Variants in MARCHF1 observed in about 807,000 individuals in gnomAD.
MARCHF1 encodes the protein E3 ubiquitin-protein ligase MARCHF1.
In MARCHF1, 40 loss-of-function variants were observed where a neutral mutation model predicts 54.2. The observed-to-expected ratio is 0.74, with a 90% confidence interval of 0.57 to 0.96. The LOEUF is 0.96. Among genes scored for constraint, MARCHF1 ranks in the 40% least tolerant of loss-of-function variants. MARCHF1 has a pLI of 0.00. For missense variants in MARCHF1, 586 were observed against 656.5 expected (o/e 0.89, Z 1.17); for synonymous variants, 236 against 236.3 (o/e 1.00, Z 0.01).
chr4:163,700,528 A>AGAAGGAAGGAAGGAAGGAAGGAAG (rs57173687), intron 5 of MARCHF1, among the ~76,000 whole-genome samples: 6 of 114,488 alleles, frequency 5.2e-5, no homozygotes, highest in Non-Finnish European at 7.2e-5. Context: ...AAAGAAAGAA[A>AGAAGGAAGGAAGGAAGGAAGGAAG]GAAGGAAGGA....
intron 2 of MARCHF1, among the ~76,000 whole-genome samples, chr4:164,012,045 T>A (rs1177365163): frequency 6.6e-6 from 1 of 152,056 alleles, no homozygotes; most frequent in Non-Finnish European, 1.5e-5. Context: ...CAGAGGGAAA[T>A]TTCTTACACC....
intron 1 of MARCHF1, among the ~76,000 whole-genome samples, chr4:164,289,276 AT>A (rs1208784226): frequency 3.3e-5 from 5 of 151,988 alleles, no homozygotes; most frequent in Admixed American, 3.3e-4. Flanking sequence ...TCCTAGGAAG[AT>A]TGTGAACCAC....
chr4:163,719,939 A>T (rs904527691), intron 4 of MARCHF1, among the ~76,000 whole-genome samples: 3 of 152,096 alleles, frequency 2.0e-5, no homozygotes, highest in African/African-American at 7.2e-5. Context: ...CCTTTGTCAG[A>T]TTAGTAGATT....
In MARCHF1 at chr4:163,528,538, ATACTT is replaced by A. The variant is rs376474868; in HGVS notation, c.*205_*209del. 3.0e-3 allele frequency: 1,611 copies of A among 530,814 alleles called. 15 individuals are homozygous for A. Among genetic ancestry groups the A allele is most frequent in the African/African-American group, 0.025 (1,280 of 52,228 alleles). The allele number at this position is 530,814 out of a possible 1,614,324, so 32.9% of individuals were successfully genotyped here. A position where few individuals can be genotyped will look rare whatever the true frequency, so the allele number is the denominator to read the frequency against. On this transcript the variant is annotated 3_prime_UTR_variant, in exon 10 of 10. Transcript: ENST00000514618. The stretch of plus-strand genomic sequence containing the variant: ...CTTGCAAACTTCACATTTCCATATC[ATACTT>A]TACTTTACGCTATTACTTCATGGGC...
intron 1 of MARCHF1, among the ~76,000 whole-genome samples, chr4:164,253,893 A>C (rs1447319043): frequency 6.6e-6 from 1 of 152,116 alleles, no homozygotes; most frequent in African/African-American, 2.4e-5. Context: ...TGCCAAGGGG[A>C]AAAAAAGCAA....
chr4:164,344,436 GTGTT>G (rs1378993393), intron 1 of MARCHF1, among the ~76,000 whole-genome samples: 1 of 150,922 alleles, frequency 6.6e-6, no homozygotes, highest in Admixed American at 6.6e-5. Context: ...AAGAATATGT[GTGTT>G]TGTGCACATG....
At chr4:164,048,817 T>A (rs561274202) in intron 2 of MARCHF1, among the ~76,000 whole-genome samples, 321 of 152,302 alleles carry the variant, frequency 2.1e-3, no homozygotes, top group African/African-American at 7.4e-3. Context: ...TACTCAATAA[T>A]CTCATTATCT....
At chr4:164,356,024 A>G (rs1026197135) in intron 1 of MARCHF1, among the ~76,000 whole-genome samples, 1 of 134,730 alleles carries the variant, frequency 7.4e-6, no homozygotes, top group Non-Finnish European at 1.7e-5. Flanking sequence ...AATGCTCACC[A>G]TCACTGGCCA....
Position 163,528,351 on chromosome 4 carries a change from T to G in MARCHF1, c.*397A>C. ...TTATTTCCAGATGAGACAGTTAACATTACAAGGCCCTAGAAGTAATACACA... is the reference window on the plus strand; with the variant it reads ...TTATTTCCAGATGAGACAGTTAACAGTACAAGGCCCTAGAAGTAATACACA... On this transcript the variant is annotated 3_prime_UTR_variant, in exon 10 of 10. Transcript: ENST00000514618. The G allele has an allele frequency of 6.1e-6, 1 of 165,258 alleles. No homozygotes were observed. The highest frequency in any genetic ancestry group is 6.1e-5 in the Admixed American group (1 of 16,466). The allele number at this position is 165,258 out of a possible 1,614,324, so 10.2% of individuals were successfully genotyped here. A position where few individuals can be genotyped will look rare whatever the true frequency, so the allele number is the denominator to read the frequency against.
At position 163,827,667 on chromosome 4, in the gene MARCHF1, T is replaced by C. The variant is rs986260904; in HGVS notation, c.111+26354A>G. On this transcript the variant is annotated intron_variant, in intron 4 of 9. Coordinates refer to ENST00000514618, the MANE Select transcript of MARCHF1 (RefSeq NM_001394959.1). ...GAACAGAAAAAGTCCTTTCCACTTA[T>C]TGCAGTCAATGAAGTTAATCCTAGA... Among the ~76,000 whole-genome samples, 4 of 152,146 alleles carry C rather than the reference T, an allele frequency of 2.6e-5. No individual in the cohort carries two copies. In the South Asian group the frequency reaches 8.3e-4, roughly 32 times the overall value.
At chr4:164,308,891 A>C (rs1296757555) in intron 1 of MARCHF1, among the ~76,000 whole-genome samples, 1 of 151,770 alleles carries the variant, frequency 6.6e-6, no homozygotes, top group Non-Finnish European at 1.5e-5. Context: ...TAATCTGTAC[A>C]ACAAAACCCT....
chr4:163,714,203 G>C (rs1745192797), intron 4 of MARCHF1, among the ~76,000 whole-genome samples: 1 of 152,138 alleles, frequency 6.6e-6, no homozygotes, highest in African/African-American at 2.4e-5. Context: ...GCTTGAAAAT[G>C]GAATATTTAA....
chr4:163,997,582 AT>A (rs1005386245), intron 2 of MARCHF1, among the ~76,000 whole-genome samples: 1 of 151,950 alleles, frequency 6.6e-6, no homozygotes, highest in Non-Finnish European at 1.5e-5. Flanking sequence ...GTACCCTTTA[AT>A]TTGGGGTTTC....
chr4:164,254,694 T>C (rs956968781), intron 1 of MARCHF1, among the ~76,000 whole-genome samples: 1 of 148,132 alleles, frequency 6.8e-6, no homozygotes, highest in Non-Finnish European at 1.5e-5. Context: ...TGGAGTCCGA[T>C]ATTCAAGGGC....
intron 2 of MARCHF1, among the ~76,000 whole-genome samples, chr4:163,992,292 T>C (rs936637327): frequency 6.6e-6 from 1 of 152,096 alleles, no homozygotes; most frequent in African/African-American, 2.4e-5. Context: ...TAAAATTATG[T>C]GGCATAATAT....
intron 2 of MARCHF1, among the ~76,000 whole-genome samples, chr4:163,994,107 G>A (rs12510039): frequency 0.98 from 148,635 of 152,176 alleles, 72,685 homozygotes; most frequent in East Asian, 1. Context: ...CGGAGGGCCA[G>A]TATGTATTTC....
chr4:164,068,599 C>A (rs1754782952), intron 2 of MARCHF1, among the ~76,000 whole-genome samples: 1 of 152,198 alleles, frequency 6.6e-6, no homozygotes, highest in Non-Finnish European at 1.5e-5. Context: ...TGCGGGGCAG[C>A]ACTCGGGACC....
intron 5 of MARCHF1, among the ~76,000 whole-genome samples, chr4:163,698,565 C>A (rs1744706338): frequency 6.6e-6 from 1 of 152,154 alleles, no homozygotes; most frequent in South Asian, 2.1e-4. Flanking sequence ...AAATAGGATG[C>A]AGTTTTATAA....
intron 3 of MARCHF1, among the ~76,000 whole-genome samples, chr4:163,972,741 T>C (rs903061328): frequency 8.6e-5 from 13 of 150,410 alleles, no homozygotes; most frequent in Admixed American, 5.3e-4. Context: ...GTATTTTTAG[T>C]AGAGACGGGT....
Sources: gnomAD v4.1 joint callset for allele counts (sites outside exome capture counted in the v4.1 genomes callset) on GRCh38, gnomAD v4.1.1 for gene constraint, MANE v1.5 for transcripts, NCBI Gene and HGNC (gene_info 2026-07-23, HGNC 2026-07-21) for gene names.